TYW1B: variants seen among roughly 807,000 people sequenced by gnomAD.
TYW1B encodes the protein S-adenosyl-L-methionine-dependent tRNA 4-demethylwyosine synthase TYW1B.
Under a neutral mutation model 86.9 loss-of-function variants are expected in TYW1B, and 73 were observed. That is an observed-to-expected ratio of 0.84 (90% CI 0.70 to 1.02). The LOEUF (loss-of-function observed/expected upper bound fraction) is 1.02, where lower values mean the gene tolerates loss of function less well. Among genes scored for constraint, TYW1B ranks in the 50% least tolerant of loss-of-function variants. TYW1B has a pLI of 0.00. For missense variants in TYW1B, 637 were observed against 827.4 expected (o/e 0.77, Z 2.82); for synonymous variants, 248 against 292.8 (o/e 0.85, Z 1.56).
intron 13 of TYW1B, among the ~76,000 whole-genome samples, chr7:72,607,389 C>A: frequency 2.4e-5 from 2 of 84,624 alleles, no homozygotes; most frequent in Non-Finnish European, 2.3e-5. Flanking sequence ...GAGATTCTGT[C>A]TCTCAAAAAA....
chr7:72,637,110 G>A (rs1368144774), intron 11 of TYW1B, among the ~76,000 whole-genome samples: 1 of 152,034 alleles, frequency 6.6e-6, no homozygotes, highest in Non-Finnish European at 1.5e-5. Flanking sequence ...GGCAATAAGA[G>A]CAAAACTCCA....
intron 7 of TYW1B, among the ~76,000 whole-genome samples, chr7:72,775,317 C>G (rs1348623473): frequency 1.3e-5 from 2 of 151,976 alleles, no homozygotes; most frequent in Non-Finnish European, 2.9e-5. Context: ...CCAAGACACT[C>G]GACAAAACCC....
chr7:72,665,062 A>G (rs1813429229), intron 11 of TYW1B, among the ~76,000 whole-genome samples: 1 of 152,208 alleles, frequency 6.6e-6, no homozygotes, highest in South Asian at 2.1e-4. Flanking sequence ...GCAAGGACAC[A>G]GCCTGTGGAT....
chr7:72,650,267 A>C (rs1485374987), intron 11 of TYW1B, among the ~76,000 whole-genome samples: 1 of 152,004 alleles, frequency 6.6e-6, no homozygotes, highest in Non-Finnish European at 1.5e-5. Flanking sequence ...TTGGTCTTGC[A>C]AAACAACAAA....
intron 11 of TYW1B, among the ~76,000 whole-genome samples, chr7:72,639,336 T>C (rs1357735184): frequency 6.6e-6 from 1 of 152,062 alleles, no homozygotes; most frequent in Non-Finnish European, 1.5e-5. Flanking sequence ...CCAGTTAATT[T>C]TTTTACTTTT....
chr7:72,619,168 AAAT>A (rs1812153358), intron 12 of TYW1B, among the ~76,000 whole-genome samples: 1 of 152,188 alleles, frequency 6.6e-6, no homozygotes, highest in African/African-American at 2.4e-5. Flanking sequence ...ACAGGAAGAC[AAAT>A]TTGAGCTGGA....
intron 10 of TYW1B, among the ~76,000 whole-genome samples, chr7:72,704,240 C>A (rs1814560352): frequency 6.6e-6 from 1 of 151,870 alleles, no homozygotes; most frequent in Non-Finnish European, 1.5e-5. Flanking sequence ...TTGAGACCAG[C>A]CTGGCTAACA....
At chr7:72,737,995 C>T (rs1208611508) in intron 8 of TYW1B, among the ~76,000 whole-genome samples, 3 of 151,580 alleles carry the variant, frequency 2.0e-5, no homozygotes, top group Non-Finnish European at 4.4e-5. Flanking sequence ...AGGATGGTCT[C>T]GATCTCCTGA....
chr7:72,775,148 T>A (rs1585974559), intron 7 of TYW1B, among the ~76,000 whole-genome samples: 1 of 152,080 alleles, frequency 6.6e-6, no homozygotes, highest in East Asian at 1.9e-4. Flanking sequence ...TTTTTTTAAA[T>A]GAATAGAACA....
At chr7:72,669,914 G>A (rs1554446021) in intron 11 of TYW1B, among the ~76,000 whole-genome samples, 1 of 151,660 alleles carries the variant, frequency 6.6e-6, no homozygotes, top group Non-Finnish European at 1.5e-5. Flanking sequence ...ATGCAACACA[G>A]TGAGACCCCA....
intron 12 of TYW1B, among the ~76,000 whole-genome samples, chr7:72,623,135 A>C (rs1448668720): frequency 9.9e-5 from 15 of 152,250 alleles, no homozygotes; most frequent in African/African-American, 3.4e-4. Flanking sequence ...ACCTTCCTCA[A>C]ACTGGATTTA....
At chr7:72,791,670 G>C (rs572688926) in intron 6 of TYW1B, among the ~76,000 whole-genome samples, 1 of 152,102 alleles carries the variant, frequency 6.6e-6, no homozygotes, top group East Asian at 1.9e-4. Flanking sequence ...CCAGCTACTC[G>C]GGAGGCTAAA....
At chr7:72,814,105 T>C (rs558508786) in intron 3 of TYW1B, among the ~76,000 whole-genome samples, 1 of 152,186 alleles carries the variant, frequency 6.6e-6, no homozygotes, top group South Asian at 2.1e-4. Flanking sequence ...TCTCTGCTCT[T>C]GACCTTTTGG....
At chr7:72,607,439 A>C (rs1292129300) in intron 13 of TYW1B, among the ~76,000 whole-genome samples, 1 of 150,704 alleles carries the variant, frequency 6.6e-6, no homozygotes, top group African/African-American at 2.4e-5. Context: ...AAAGAGGAGG[A>C]AGAAGAACAA....
chr7:72,734,338 G>A (rs55661568), intron 8 of TYW1B, among the ~76,000 whole-genome samples: 104,287 of 150,112 alleles, frequency 0.69, 37,105 homozygotes, highest in Non-Finnish European at 0.77. Flanking sequence ...CAGACACATC[G>A]ACTCACAGAA....
At chr7:72,665,538 G>A (rs1191201086) in intron 11 of TYW1B, among the ~76,000 whole-genome samples, 5 of 152,152 alleles carry the variant, frequency 3.3e-5, no homozygotes, top group Non-Finnish European at 5.9e-5. Flanking sequence ...TCTGAATATT[G>A]TTATATAATA....
At chr7:72,761,608 A>G (rs1359855949) in intron 7 of TYW1B, among the ~76,000 whole-genome samples, 3 of 151,758 alleles carry the variant, frequency 2.0e-5, no homozygotes, top group Non-Finnish European at 4.4e-5. Context: ...AAAAAATTAA[A>G]GTTTTTTTTA....
chr7:72,755,867 G>T (rs1158690901), intron 7 of TYW1B, among the ~76,000 whole-genome samples: 1 of 152,166 alleles, frequency 6.6e-6, no homozygotes, highest in South Asian at 2.1e-4. Flanking sequence ...GCCAAGAATC[G>T]GGTTCTTTAT....
At position 72,828,164 on chromosome 7, in the gene TYW1B, G is replaced by A; in HGVS notation, c.-89C>T. The stretch of plus-strand genomic sequence containing the variant: ...ACTGCGAGACGCACCGAGCTACCTC[G>A]CGGCGTTAGCGCCGTACCGAGTGGC... On this transcript the variant is annotated 5_prime_UTR_variant, in exon 1 of 14. Coordinates refer to ENST00000620995, the MANE Select transcript of TYW1B (RefSeq NM_001145440.3). 1 of 1,589,618 alleles carries A rather than the reference G, an allele frequency of 6.3e-7. No homozygotes were observed. The highest frequency in any genetic ancestry group is 1.8e-5 in the Admixed American group (1 of 55,476).
Sources: gnomAD v4.1 joint callset for allele counts (sites outside exome capture counted in the v4.1 genomes callset) on GRCh38, gnomAD v4.1.1 for gene constraint, MANE v1.5 for transcripts, NCBI Gene and HGNC (gene_info 2026-07-23, HGNC 2026-07-21) for gene names.